POLE: variants seen among roughly 807,000 people sequenced by gnomAD.
The protein encoded by POLE is DNA polymerase epsilon, catalytic subunit.
In POLE, 188 loss-of-function variants were observed where a neutral mutation model predicts 279.2. The observed-to-expected ratio is 0.67, with a 90% confidence interval of 0.60 to 0.76. POLE has a LOEUF of 0.76. Among genes scored for constraint, POLE ranks in the 30% least tolerant of loss-of-function variants. The pLI is 0.00. For synonymous variants in POLE, 1,214 were observed against 1,172.5 expected (o/e 1.04, Z -0.72); for missense variants, 2,703 against 3,016.7 (o/e 0.90, Z 2.44).
chr12:132,655,715 T>C (rs558624077), intron 29 of POLE, among the ~76,000 whole-genome samples: 19 of 152,376 alleles, frequency 1.2e-4, no homozygotes, highest in Admixed American at 1.0e-3. Context: ...ACAATAGTCC[T>C]TATGTTTCCT....
chr12:132,641,881 C>A lies in POLE; in HGVS notation c.5174-30G>T, dbSNP rs372442883. On this transcript the variant is annotated intron_variant, in intron 38 of 48. Coordinates refer to ENST00000320574, the MANE Select transcript of POLE (RefSeq NM_006231.4). ...ACAGGAAGACGCCATGCTCAGCCAG[C>A]ATCCTGCCAGCTCCAGCACCACCAG... 10 of 1,593,548 alleles carry A rather than the reference C, an allele frequency of 6.3e-6. No individual in the cohort carries two copies. In the African/African-American group the frequency reaches 1.1e-4, roughly 17 times the overall value.
intron 26 of POLE, 82 bp from the exon 27 acceptor site, chr12:132,658,052 G>T: frequency 1.1e-6 from 1 of 878,834 alleles, no homozygotes; most frequent in East Asian, 2.4e-5. Flanking sequence ...AAATGAACAT[G>T]GAAATAAGGA....
intron 45 of POLE, among the ~76,000 whole-genome samples, chr12:132,627,507 C>T (rs2041861466): frequency 1.3e-5 from 2 of 151,822 alleles, no homozygotes; most frequent in Admixed American, 6.6e-5. Flanking sequence ...CCATGTTGCC[C>T]AGGCTGGTCT....
chr12:132,638,991 T>C (rs1860555529), intron 40 of POLE, 134 bp downstream of exon 40: 2 of 764,620 alleles, frequency 2.6e-6, no homozygotes, highest in African/African-American at 3.5e-5. Flanking sequence ...ATCCTTTGGA[T>C]TGTTATGCTC....
At position 132,668,437 on chromosome 12, in the gene POLE, AG is replaced by A. The variant is rs752846614; in HGVS notation, c.2091del (p.Leu698CysfsTer94). On this transcript the variant is annotated frameshift_variant, in exon 19 of 49. Coordinates refer to ENST00000320574, the MANE Select transcript of POLE (RefSeq NM_006231.4). LOFTEE classifies it high-confidence loss of function. The surrounding 1 kb of genome is among the most constrained non-coding windows in gnomAD (Gnocchi z 4.0). Reference protein sequence around the residue: ...QHQLESEKFPPLFPEGPARAF... With the variant: ...QHQLESEKFPXLFPEGPARAF... ...GCCCGAGCTGGCCCCTCTGGGAACAAGGGGGGGAACTTCTCTGACTCCAGCT... is the reference window on the plus strand; with the variant it reads ...GCCCGAGCTGGCCCCTCTGGGAACAAGGGGGGAACTTCTCTGACTCCAGCT... 9.9e-6 allele frequency: 16 copies of A among 1,612,078 alleles called. No homozygotes were observed. The African/African-American group carries it at 1.2e-4, about 12-fold the overall frequency.
In POLE at chr12:132,673,620, C is replaced by T. The variant is rs2042981172; in HGVS notation, c.1314G>A (p.Glu438=). 1 of 1,613,860 alleles carries T rather than the reference C, an allele frequency of 6.2e-7. No homozygotes were observed. The highest frequency in any genetic ancestry group is 8.5e-7 in the Non-Finnish European group (1 of 1,179,996). The stretch of plus-strand genomic sequence containing the variant: ...TCCGGCACATGTCCTCCGGGTCTAG[C>T]TCCACGGGATCATAGCCTAGCTTGG... ...AKAKLGYDPV[E]LDPEDMCRMA... The change falls in exon 13 of 49, where the codon GAG becomes GAA. Residue 438 remains glutamate, a synonymous_variant. Coordinates refer to ENST00000320574, the MANE Select transcript of POLE (RefSeq NM_006231.4).
chr12:132,658,156 G>GTGTGT, intron 26 of POLE, 186 bp from the exon 27 acceptor site: 1 of 437,790 alleles, frequency 2.3e-6, no homozygotes, highest in Non-Finnish European at 3.8e-6. Context: ...TAACACGTGC[G>GTGTGT]TATGTGTAAA....
chr12:132,673,372 G>A (rs553449999), intron 13 of POLE, 95 bp from the exon 14 acceptor site: 96 of 1,160,162 alleles, frequency 8.3e-5, no homozygotes, highest in Non-Finnish European at 1.2e-4. Context: ...TGACCAGCCT[G>A]CCGCACACAC....
intron 2 of POLE, 136 bp downstream of exon 2, chr12:132,681,002 A>G: frequency 9.8e-7 from 1 of 1,024,282 alleles, no homozygotes; most frequent in Non-Finnish European, 1.4e-6. Flanking sequence ...AGGAAAGGAG[A>G]GCTGGGAACC....
At chr12:132,627,040 G>C (rs541690033) in intron 45 of POLE, among the ~76,000 whole-genome samples, 14 of 152,328 alleles carry the variant, frequency 9.2e-5, no homozygotes, top group Admixed American at 3.9e-4. Flanking sequence ...CAGCACTTTG[G>C]TAGGCCAAGG....
Position 132,625,600 on chromosome 12 carries a change from C to G in POLE, c.6657+45G>C, listed in dbSNP as rs751568152. 4.4e-5 allele frequency: 70 copies of G among 1,606,798 alleles called. No individual in the cohort carries two copies. The highest frequency in any genetic ancestry group is 5.9e-5 in the Non-Finnish European group (70 of 1,177,884). On this transcript the variant is annotated intron_variant, in intron 47 of 48. Transcript: ENST00000320574. ...GCTCCCGGGAGTGCACAGAAACCCC[C>G]CTGTGGACTCCAGGGCACACGGGCA...
intron 6 of POLE, among the ~76,000 whole-genome samples, chr12:132,678,337 C>T (rs1323621209): frequency 6.6e-6 from 1 of 151,412 alleles, no homozygotes; most frequent in African/African-American, 2.4e-5. Context: ...CTCTGGGAGG[C>T]AGGAGGATCG....
intron 1 of POLE, among the ~76,000 whole-genome samples, chr12:132,686,421 C>G (rs962081998): frequency 3.9e-5 from 6 of 152,030 alleles, no homozygotes; most frequent in African/African-American, 1.4e-4. Flanking sequence ...CACCACCAGC[C>G]TGTCTAATTT....
In POLE at chr12:132,644,323, C is replaced by CTT. The variant is rs57257940; in HGVS notation, c.4150-348_4150-347dup. On this transcript the variant is annotated intron_variant, in intron 32 of 48. Transcript: ENST00000320574. The stretch of plus-strand genomic sequence containing the variant: ...ACAAGGAACACACCACCACGGATGG[C>CTT]TTTTTTTTTTTTTTTTTTTTTTTGT... Among the ~76,000 whole-genome samples, 433 of 107,666 alleles carry CTT rather than the reference C, an allele frequency of 4.0e-3. 4 individuals are homozygous for CTT. Among genetic ancestry groups the CTT allele is most frequent in the African/African-American group, 0.011 (298 of 27,606 alleles). The allele number at this position is 107,666 out of a possible 152,430, so 70.6% of individuals were successfully genotyped here.
At chr12:132,667,691 C>T (rs1231377068) in intron 19 of POLE, 43 bp from the exon 20 acceptor site, 1 of 1,608,316 alleles carries the variant, frequency 6.2e-7, no homozygotes, top group South Asian at 1.1e-5. Context: ...GTGAGATCTC[C>T]CAGAGCAGAG....
At chr12:132,643,036 G>T (rs1436888804) in intron 35 of POLE, 40 bp from the exon 36 acceptor site, 3 of 1,551,988 alleles carry the variant, frequency 1.9e-6, no homozygotes, top group East Asian at 2.3e-5. Context: ...CCCTGCGCAG[G>T]AGGAAGTGGG....
chr12:132,658,506 T>C (rs751873581), intron 26 of POLE: 31 of 155,128 alleles, frequency 2.0e-4, no homozygotes, highest in Non-Finnish European at 3.4e-4. Flanking sequence ...ACGTGCACGT[T>C]CATAACCATG....
intron 45 of POLE, among the ~76,000 whole-genome samples, chr12:132,631,634 C>T (rs752853607): frequency 1.1e-4 from 17 of 152,082 alleles, no homozygotes; most frequent in Middle Eastern, 3.2e-3. Flanking sequence ...CACCCGCGGT[C>T]GTTATCTGGT....
At position 132,657,371 on chromosome 12, in the gene POLE, GTGA is replaced by G. The variant is rs976070874; in HGVS notation, c.3434_3436del (p.Ile1145del). The G allele has an allele frequency of 3.7e-6, 6 of 1,614,006 alleles. No individual in the cohort carries two copies. Among genetic ancestry groups the G allele is most frequent in the Non-Finnish European group, 5.1e-6 (6 of 1,180,034 alleles). ...TACCTGCTGCAGGGCCGCAGGGATG[GTGA>G]TGATCTTCTGGATGGCGCTTCCCAG... On this transcript the variant is annotated inframe_deletion, in exon 28 of 49. Transcript: ENST00000320574.
Sources: gnomAD v4.1 joint callset for allele counts (sites outside exome capture counted in the v4.1 genomes callset) on GRCh38, gnomAD v4.1.1 for gene constraint, Gnocchi (gnomAD v3.1) non-coding constraint, MANE v1.5 for transcripts, NCBI Gene and HGNC (gene_info 2026-07-23, HGNC 2026-07-21) for gene names.